Variants in RAI14 observed in about 807,000 individuals in gnomAD.
RAI14 encodes the protein ankycorbin.
Under a neutral mutation model 115.4 loss-of-function variants are expected in RAI14, and 45 were observed. The observed-to-expected ratio is 0.39, with a 90% confidence interval of 0.31 to 0.50. RAI14 has a LOEUF of 0.50. Among genes scored for constraint, RAI14 ranks in the 20% least tolerant of loss-of-function variants. RAI14 has a pLI of 0.85. For missense variants in RAI14, 939 were observed against 1,131.2 expected (o/e 0.83, Z 2.44); for synonymous variants, 371 against 415.4 (o/e 0.89, Z 1.30).
chr5:34,760,358 G>A (rs164320), intron 3 of RAI14, among the ~76,000 whole-genome samples: 77,486 of 151,982 alleles, frequency 0.51, 20,762 homozygotes, highest in African/African-American at 0.68. Flanking sequence ...TTGATGCCAT[G>A]TTGATCAGAA....
chr5:34,791,905 T>C lies in RAI14; in HGVS notation c.168-4034T>C, dbSNP rs1420671712. Among the ~76,000 whole-genome samples, 2 of 152,194 alleles carry C rather than the reference T, an allele frequency of 1.3e-5. No homozygotes were observed. Among genetic ancestry groups the C allele is most frequent in the South Asian group, 2.1e-4 (1 of 4,830 alleles). On this transcript the variant is annotated intron_variant, in intron 3 of 17. Transcript: ENST00000265109. The surrounding 1 kb of genome is among the most constrained non-coding windows in gnomAD (Gnocchi z 5.4). ...GGAAGGAGGGGAGGAGATGATGCCC[T>C]GAACCCCATCGTCATTCTCACTGGG...
intron 1 of RAI14, among the ~76,000 whole-genome samples, chr5:34,661,512 C>T (rs1055437997): frequency 2.0e-5 from 3 of 152,144 alleles, no homozygotes; most frequent in Non-Finnish European, 4.4e-5. Context: ...CACCATATCT[C>T]ATATTTACAG....
chr5:34,788,360 A>G (rs1489290162), intron 3 of RAI14, among the ~76,000 whole-genome samples: 2 of 152,092 alleles, frequency 1.3e-5, no homozygotes, highest in African/African-American at 4.8e-5. Flanking sequence ...TCCCTAGTCC[A>G]TGATAAAAAA....
chr5:34,671,820 C>T (rs909214630), intron 1 of RAI14, among the ~76,000 whole-genome samples: 13 of 152,148 alleles, frequency 8.5e-5, no homozygotes, highest in African/African-American at 3.1e-4. Flanking sequence ...AGTCATATTT[C>T]AAATGCACAG....
chr5:34,792,109 G>T (rs527381013), intron 3 of RAI14, among the ~76,000 whole-genome samples: 2 of 152,148 alleles, frequency 1.3e-5, no homozygotes, highest in East Asian at 1.9e-4. Flanking sequence ...TCCCAGAAGC[G>T]CATACCCAGT....
intron 2 of RAI14, among the ~76,000 whole-genome samples, chr5:34,689,433 G>A (rs1369634046): frequency 6.6e-6 from 1 of 152,008 alleles, no homozygotes; most frequent in Non-Finnish European, 1.5e-5. Flanking sequence ...GAACAATCTA[G>A]GGAGTAGCTT....
intron 3 of RAI14, among the ~76,000 whole-genome samples, chr5:34,785,393 A>G (rs1244676606): frequency 6.6e-6 from 1 of 152,154 alleles, no homozygotes; most frequent in Non-Finnish European, 1.5e-5. Flanking sequence ...GGGCTGTATA[A>G]TTGTTCTGGA....
At chr5:34,740,675 A>G (rs770289848) in intron 2 of RAI14, among the ~76,000 whole-genome samples, 13 of 152,186 alleles carry the variant, frequency 8.5e-5, no homozygotes, top group Non-Finnish European at 1.5e-4. Context: ...ATCTGTGCAC[A>G]TGCTCGTCTG....
chr5:34,813,412 G>T (rs1755831886), intron 10 of RAI14, among the ~76,000 whole-genome samples, 162 bp from the exon 11 acceptor site: 1 of 152,186 alleles, frequency 6.6e-6, no homozygotes, highest in African/African-American at 2.4e-5. Flanking sequence ...ACTTGTGCAT[G>T]CATATTATTT....
chr5:34,723,398 T>A (rs1392539124), intron 2 of RAI14, among the ~76,000 whole-genome samples: 1 of 152,154 alleles, frequency 6.6e-6, no homozygotes, highest in Non-Finnish European at 1.5e-5. Context: ...AAAATGCAGT[T>A]TGGAGACAGA....
chr5:34,710,760 T>C (rs1024889619), intron 2 of RAI14, among the ~76,000 whole-genome samples: 1 of 151,498 alleles, frequency 6.6e-6, no homozygotes, highest in East Asian at 1.9e-4. Flanking sequence ...GTGATTCTTA[T>C]CAATGAGTGA....
At chr5:34,721,770 A>T (rs1742785943) in intron 2 of RAI14, among the ~76,000 whole-genome samples, 1 of 151,888 alleles carries the variant, frequency 6.6e-6, no homozygotes, top group African/African-American at 2.4e-5. Flanking sequence ...GAATGCAGTG[A>T]TGGAATCTAT....
chr5:34,782,997 TA>T (rs1272209303), intron 3 of RAI14, among the ~76,000 whole-genome samples: 16 of 152,318 alleles, frequency 1.1e-4, no homozygotes, highest in Admixed American at 9.8e-4. Context: ...ATGCCTCAAT[TA>T]TAGGAGCAGA....
chr5:34,707,248 C>T (rs1269253835), intron 2 of RAI14, among the ~76,000 whole-genome samples: 1 of 152,206 alleles, frequency 6.6e-6, no homozygotes, highest in Admixed American at 6.5e-5. Flanking sequence ...AGGCAGATCA[C>T]CTGAGGTCAG....
At chr5:34,724,737 T>C (rs1743229907) in intron 2 of RAI14, among the ~76,000 whole-genome samples, 2 of 152,328 alleles carry the variant, frequency 1.3e-5, no homozygotes, top group South Asian at 4.2e-4. Context: ...GTAGCTTAGT[T>C]TTCCTTGGGA....
chr5:34,730,676 G>A (rs1263091716), intron 2 of RAI14, among the ~76,000 whole-genome samples: 2 of 151,436 alleles, frequency 1.3e-5, no homozygotes, highest in African/African-American at 2.4e-5. Flanking sequence ...ACCCTGTCTC[G>A]AAAAAAAATA....
chr5:34,809,530 T>C (rs7723057), intron 7 of RAI14, among the ~76,000 whole-genome samples: 9,544 of 152,138 alleles, frequency 0.063, 408 homozygotes, highest in African/African-American at 0.13. Context: ...TATTTTCACA[T>C]TGAAAATCAG....
chr5:34,658,822 T>G (rs1355369751), intron 1 of RAI14, among the ~76,000 whole-genome samples: 2 of 151,958 alleles, frequency 1.3e-5, no homozygotes, highest in Non-Finnish European at 2.9e-5. Context: ...TAAATAAGTA[T>G]GAAATATTTC....
intron 1 of RAI14, among the ~76,000 whole-genome samples, chr5:34,657,599 C>G (rs551064371): frequency 6.6e-6 from 1 of 152,336 alleles, no homozygotes; most frequent in African/African-American, 2.4e-5. Flanking sequence ...TTCTCTTCGC[C>G]GCAGCTCACG....
Sources: allele counts gnomAD v4.1 joint callset (sites outside exome capture counted in the v4.1 genomes callset), GRCh38; gene constraint gnomAD v4.1.1; non-coding constraint Gnocchi (gnomAD v3.1); transcripts MANE v1.5; gene names NCBI Gene and HGNC (gene_info 2026-07-23, HGNC 2026-07-21).